LPP: variants seen among roughly 807,000 people sequenced by gnomAD.
LPP encodes lipoma-preferred partner.
Under a neutral mutation model 60.4 loss-of-function variants are expected in LPP, and 38 were observed. The observed-to-expected ratio is 0.63, with a 90% confidence interval of 0.49 to 0.83. LPP has a LOEUF of 0.83. LPP is among the 40% of genes least tolerant of loss of function. The pLI is 0.00. For synonymous variants in LPP, 328 were observed against 290.8 expected, an observed-to-expected ratio of 1.13 and a Z score of -1.30; for missense variants, 902 against 783.6, an observed-to-expected ratio of 1.15 and a Z score of -1.80.
At chr3:188,381,550 C>T (rs1446939348) in intron 3 of LPP, among the ~76,000 whole-genome samples, 3 of 152,160 alleles carry the variant, frequency 2.0e-5, no homozygotes, top group East Asian at 3.8e-4. Flanking sequence ...GCAAAGTACC[C>T]GAAGCCAGTG....
intron 2 of LPP, among the ~76,000 whole-genome samples, chr3:188,275,270 G>C (rs1398604980): frequency 6.6e-6 from 1 of 152,160 alleles, no homozygotes; most frequent in African/African-American, 2.4e-5. Context: ...TTGATGGGAT[G>C]ACTTCTTTTC....
intron 4 of LPP, among the ~76,000 whole-genome samples, chr3:188,448,967 T>C (rs1269925010): frequency 1.3e-5 from 2 of 152,214 alleles, no homozygotes; most frequent in Admixed American, 6.5e-5. Context: ...GATACTTTTT[T>C]CTACTTGAGG....
At chr3:188,233,983 A>G (rs1721004562) in intron 2 of LPP, among the ~76,000 whole-genome samples, 2 of 151,640 alleles carry the variant, frequency 1.3e-5, no homozygotes, top group Non-Finnish European at 2.9e-5. Context: ...CCCAATCCTA[A>G]CTTTTCTTCT....
At chr3:188,822,909 T>C (rs1049249477) in intron 9 of LPP, among the ~76,000 whole-genome samples, 30 of 152,296 alleles carry the variant, frequency 2.0e-4, no homozygotes, top group African/African-American at 7.2e-4. Flanking sequence ...TTATGGTTTT[T>C]TATTGGTGTT....
At chr3:188,400,743 C>T (rs1449684997) in intron 3 of LPP, among the ~76,000 whole-genome samples, 3 of 152,148 alleles carry the variant, frequency 2.0e-5, no homozygotes, top group Non-Finnish European at 4.4e-5. Context: ...CTCTGGAAAT[C>T]TTCCCTTTCA....
chr3:188,262,763 CGAGTT>C (rs1734133869), intron 2 of LPP, among the ~76,000 whole-genome samples: 1 of 151,408 alleles, frequency 6.6e-6, no homozygotes, highest in Admixed American at 6.6e-5. Context: ...AAAAATCACT[CGAGTT>C]AAGAATCAGT....
intron 4 of LPP, among the ~76,000 whole-genome samples, chr3:188,413,150 G>A (rs1298836295): frequency 6.6e-6 from 1 of 152,100 alleles, no homozygotes; most frequent in African/African-American, 2.4e-5. Context: ...ACATGTGAGG[G>A]AAATGGATGT....
chr3:188,480,891 A>G (rs923412672), intron 4 of LPP, among the ~76,000 whole-genome samples: 5 of 152,230 alleles, frequency 3.3e-5, no homozygotes, highest in Non-Finnish European at 5.9e-5. Flanking sequence ...TAGGAATGAA[A>G]GCCGCATGCT....
At chr3:188,191,036 C>T (rs1344422521) in intron 1 of LPP, among the ~76,000 whole-genome samples, 1 of 152,168 alleles carries the variant, frequency 6.6e-6, no homozygotes, top group African/African-American at 2.4e-5. Flanking sequence ...TCGAGACCAG[C>T]CTGGCCAACA....
At chr3:188,215,144 A>G (rs760535147) in intron 1 of LPP, among the ~76,000 whole-genome samples, 2 of 152,002 alleles carry the variant, frequency 1.3e-5, no homozygotes, top group African/African-American at 2.4e-5. Context: ...CACCTCTACT[A>G]AAAATACAAA....
intron 1 of LPP, among the ~76,000 whole-genome samples, chr3:188,187,163 G>T (rs1726844617): frequency 6.6e-6 from 1 of 152,058 alleles, no homozygotes; most frequent in African/African-American, 2.4e-5. Context: ...ATATATTAAT[G>T]GTTTTATACG....
At chr3:188,466,053 A>G (rs1451180052) in intron 4 of LPP, among the ~76,000 whole-genome samples, 2 of 152,188 alleles carry the variant, frequency 1.3e-5, no homozygotes, top group African/African-American at 4.8e-5. Context: ...AAGATTTGCG[A>G]GGATCAGAAT....
intron 11 of LPP, 55 bp from the exon 12 acceptor site, chr3:188,874,296 C>T (rs1768962653): frequency 6.4e-7 from 1 of 1,560,888 alleles, no homozygotes; most frequent in African/African-American, 1.4e-5. Flanking sequence ...ATGTTCTCCA[C>T]ATGTGTACTT....
chr3:188,608,831 T>C (rs1843017473), intron 6 of LPP, among the ~76,000 whole-genome samples: 1 of 152,234 alleles, frequency 6.6e-6, no homozygotes, highest in Non-Finnish European at 1.5e-5. Flanking sequence ...GTTTGTGTCT[T>C]GTATAATTTC....
chr3:188,448,343 G>C (rs1309560903), intron 4 of LPP, among the ~76,000 whole-genome samples: 1 of 12,036 alleles, frequency 8.3e-5, no homozygotes, highest in Non-Finnish European at 2.6e-4. Flanking sequence ...GAGATGACTC[G>C]TGCAAAAGCT....
At chr3:188,796,538 G>A (rs560859607) in intron 9 of LPP, among the ~76,000 whole-genome samples, 2 of 152,254 alleles carry the variant, frequency 1.3e-5, no homozygotes, top group South Asian at 2.1e-4. Context: ...CCTAAGTGTT[G>A]TGGTTGCTAG....
chr3:188,342,340 A>G (rs1426772804), intron 3 of LPP, among the ~76,000 whole-genome samples: 2 of 152,196 alleles, frequency 1.3e-5, no homozygotes, highest in Non-Finnish European at 2.9e-5. Context: ...AATGACACCA[A>G]TCCTTGGCAG....
intron 7 of LPP, among the ~76,000 whole-genome samples, chr3:188,613,881 A>G (rs1311553511): frequency 6.6e-6 from 1 of 150,956 alleles, no homozygotes; most frequent in Non-Finnish European, 1.5e-5. Context: ...ACATTCCAGT[A>G]GTATGAGAAT....
chr3:188,747,586 G>A (rs1469659197), intron 8 of LPP, among the ~76,000 whole-genome samples: 2 of 152,244 alleles, frequency 1.3e-5, no homozygotes, highest in Non-Finnish European at 2.9e-5. Flanking sequence ...TCTGGTAAGT[G>A]ATAGCAGATG....
Sources: gnomAD v4.1 joint callset for allele counts (sites outside exome capture counted in the v4.1 genomes callset) on GRCh38, gnomAD v4.1.1 for gene constraint, MANE v1.5 for transcripts, NCBI Gene and HGNC (gene_info 2026-07-23, HGNC 2026-07-21) for gene names.